ANK3: variants seen among roughly 807,000 people sequenced by gnomAD.
ANK3 encodes the protein ankyrin-3.
Under a neutral mutation model 370.9 loss-of-function variants are expected in ANK3, and 57 were observed. The ratio of observed to expected loss-of-function variants is 0.15; its 90% confidence interval spans 0.12 to 0.19. The LOEUF is 0.19. Among genes scored for constraint, ANK3 ranks in the 10% least tolerant of loss-of-function variants. The probability of loss-of-function intolerance (pLI) is 1.00; values close to 1 mark genes in which losing one functional copy is unlikely to be tolerated. For synonymous variants in ANK3, 1,929 were observed against 1,946.3 expected (o/e 0.99, Z 0.23); for missense variants, 4,439 against 5,302.1 (o/e 0.84, Z 5.06).
chr10:60,313,928 G>GTTTTTTTGT (rs1555276605), intron 1 of ANK3, among the ~76,000 whole-genome samples: 3,088 of 132,090 alleles, frequency 0.023, 104 homozygotes, highest in African/African-American at 0.079. Context: ...TTTTGTTTTT[G>GTTTTTTTGT]TTTTTTTTTT....
intron 8 of ANK3, among the ~76,000 whole-genome samples, chr10:60,221,486 T>C (rs1212521004): frequency 6.6e-6 from 1 of 152,174 alleles, no homozygotes; most frequent in African/African-American, 2.4e-5. Context: ...CTAACTCAGC[T>C]TCCACAATTG....
intron 28 of ANK3, among the ~76,000 whole-genome samples, chr10:60,104,586 C>A (rs1330254440): frequency 6.6e-6 from 1 of 151,994 alleles, no homozygotes; most frequent in African/African-American, 2.4e-5. Flanking sequence ...ACCTGATTTG[C>A]AGTGCTATCC....
At chr10:60,223,289 C>G (rs959323601) in intron 8 of ANK3, among the ~76,000 whole-genome samples, 1 of 152,198 alleles carries the variant, frequency 6.6e-6, no homozygotes, top group Non-Finnish European at 1.5e-5. Flanking sequence ...TTTCTATTTA[C>G]TGACCTCAAC....
intron 2 of ANK3, among the ~76,000 whole-genome samples, chr10:60,464,567 T>C (rs940068432): frequency 2.6e-5 from 4 of 152,150 alleles, no homozygotes; most frequent in African/African-American, 9.7e-5. Context: ...GAACCCCCGA[T>C]GTAATGTGCT....
intron 1 of ANK3, among the ~76,000 whole-genome samples, chr10:60,730,839 T>C (rs1471199620): frequency 6.6e-6 from 1 of 152,202 alleles, no homozygotes; most frequent in Non-Finnish European, 1.5e-5. Context: ...TTGGGGAAGC[T>C]GTATCAAGGC....
chr10:60,387,565 T>C (rs577740078), intron 1 of ANK3, among the ~76,000 whole-genome samples: 4 of 152,338 alleles, frequency 2.6e-5, no homozygotes, highest in African/African-American at 9.6e-5. Context: ...AATGAAAGTG[T>C]TATCCATGAG....
At position 60,088,224 on chromosome 10, in the gene ANK3, T is replaced by C. The variant is rs1479949640; in HGVS notation, c.3463A>G (p.Ser1155Gly). The C allele has an allele frequency of 3.1e-6, 5 of 1,614,188 alleles. No individual in the cohort carries two copies. The highest frequency in any genetic ancestry group is 3.3e-5 in the Admixed American group (2 of 60,030). The change falls in exon 29 of 44, where the codon AGC becomes GGC. Residue 1155 changes from serine (S) to glycine (G), a missense_variant. Transcript: ENST00000280772. ...NQIGPEGGIL[S>G]STTVPLVQAS... Reference sequence around the variant, plus strand: ...TGAACAAGGGGCACTGTGGTGCTGCTCAGAATTCCACCTTCAGGACCAATC... The same window carrying C: ...TGAACAAGGGGCACTGTGGTGCTGCCCAGAATTCCACCTTCAGGACCAATC...
At chr10:60,264,294 A>G (rs770435402) in intron 5 of ANK3, among the ~76,000 whole-genome samples, 2 of 152,164 alleles carry the variant, frequency 1.3e-5, no homozygotes, top group Admixed American at 6.5e-5. Context: ...GAAAATTTTG[A>G]AAGTGTACAA....
chr10:60,081,665 A>G, intron 35 of ANK3: 1 of 333,692 alleles, frequency 3.0e-6, no homozygotes, highest in South Asian at 2.5e-5. Flanking sequence ...CTTGATTTAA[A>G]TGTTATAACA....
At chr10:60,213,653 T>C (rs2096890676) in intron 8 of ANK3, 143 bp from the exon 9 acceptor site, 5 of 448,608 alleles carry the variant, frequency 1.1e-5, no homozygotes, top group East Asian at 3.4e-5. Flanking sequence ...CATAAAATAA[T>C]TCCTTATTTT....
At chr10:60,331,883 C>G (rs1426323928) in intron 1 of ANK3, among the ~76,000 whole-genome samples, 1 of 151,996 alleles carries the variant, frequency 6.6e-6, no homozygotes, top group African/African-American at 2.4e-5. Flanking sequence ...ATTAAATTAC[C>G]TTTGCAGAGA....
chr10:60,248,765 T>C (rs2097595619), intron 7 of ANK3, among the ~76,000 whole-genome samples: 1 of 152,064 alleles, frequency 6.6e-6, no homozygotes, highest in Non-Finnish European at 1.5e-5. Context: ...GGCTAGAAAA[T>C]ACCAGAGCTG....
At chr10:60,548,163 C>G (rs10761518) in intron 2 of ANK3, among the ~76,000 whole-genome samples, 86,902 of 146,564 alleles carry the variant, frequency 0.59, 25,787 homozygotes, top group East Asian at 0.79. Context: ...AAATACCTGT[C>G]TTATATAATC....
At chr10:60,110,323 T>G (rs2092608752) in intron 26 of ANK3, among the ~76,000 whole-genome samples, 1 of 152,100 alleles carries the variant, frequency 6.6e-6, no homozygotes, top group South Asian at 2.1e-4. Context: ...TGGCGATCAT[T>G]TTTCAGCCTA....
intron 8 of ANK3, among the ~76,000 whole-genome samples, chr10:60,217,932 C>G (rs1033148147): frequency 1.3e-5 from 2 of 151,924 alleles, no homozygotes; most frequent in Non-Finnish European, 2.9e-5. Flanking sequence ...TGAATCTGAG[C>G]GATCTTTTAT....
chr10:60,060,150 A>AATTAAATGTAACACAATG (rs1207397370), intron 40 of ANK3: 3 of 573,002 alleles, frequency 5.2e-6, no homozygotes, highest in Non-Finnish European at 8.5e-6. Flanking sequence ...GGTTTAGTTC[A>AATTAAATGTAACACAATG]ATTAAATGTA....
chr10:60,281,867 A>C (rs1428186097), intron 1 of ANK3, among the ~76,000 whole-genome samples: 1 of 152,242 alleles, frequency 6.6e-6, no homozygotes, highest in African/African-American at 2.4e-5. Context: ...TGAGATAAGC[A>C]TGAAAATCAT....
chr10:60,442,808 G>T (rs969024585), intron 2 of ANK3, among the ~76,000 whole-genome samples: 13 of 152,258 alleles, frequency 8.5e-5, no homozygotes, highest in Middle Eastern at 3.4e-3. Flanking sequence ...CAAACTCTAT[G>T]CAGCAGTTGT....
intron 1 of ANK3, among the ~76,000 whole-genome samples, chr10:60,363,471 G>C (rs1319608644): frequency 6.6e-6 from 1 of 152,158 alleles, no homozygotes; most frequent in African/African-American, 2.4e-5. Flanking sequence ...GGAGAATAAA[G>C]GGCCCAGATA....
Sources: gnomAD v4.1 joint callset for allele counts (sites outside exome capture counted in the v4.1 genomes callset) on GRCh38, gnomAD v4.1.1 for gene constraint, MANE v1.5 for transcripts, NCBI Gene and HGNC (gene_info 2026-07-23, HGNC 2026-07-21) for gene names.